Variants in ITGB4 observed in about 807,000 individuals in gnomAD.
ITGB4 encodes the protein integrin beta-4.
ITGB4 carries 159 observed loss-of-function variants against 207.6 expected under a neutral mutation model. The ratio of observed to expected loss-of-function variants is 0.77; its 90% CI spans 0.67 to 0.87. The LOEUF (loss-of-function observed/expected upper bound fraction) is 0.87. Ranked by LOEUF, ITGB4 falls within the 40% of genes least tolerant of loss-of-function variation. The pLI is 0.00. For missense variants in ITGB4, 2,278 were observed against 2,546.8 expected, an observed-to-expected ratio of 0.89 and a Z score of 2.27; for synonymous variants, 1,020 against 1,062.7, an observed-to-expected ratio of 0.96 and a Z score of 0.78.
intron 26 of ITGB4, among the ~76,000 whole-genome samples, chr17:75,748,618 C>T (rs1346235354): frequency 3.4e-5 from 5 of 148,636 alleles, no homozygotes; most frequent in South Asian, 2.1e-4. Flanking sequence ...TGCAGTAAGC[C>T]GAGATCATGC....
At chr17:75,737,067 T>A (rs1265212454) in intron 16 of ITGB4, among the ~76,000 whole-genome samples, 1 of 152,120 alleles carries the variant, frequency 6.6e-6, no homozygotes, top group African/African-American at 2.4e-5. Flanking sequence ...GGACCCTGAG[T>A]TCCTGGGTGA....
rs202223796 is a variant in ITGB4, at chr17:75,736,403, C to T, written c.1860+17C>T. 900 of 1,613,022 alleles carry T rather than the reference C, an allele frequency of 5.6e-4. 1 individual carries two copies. The highest frequency in any genetic ancestry group is 6.7e-4 in the Non-Finnish European group (787 of 1,179,038). ...TACTCGGCGGTGAGGCTAAGACCTA[C>T]GAGGTGTGGGCGTGGGAACAGGGCA... On this transcript the variant is annotated intron_variant, in intron 15 of 39. Coordinates refer to ENST00000200181, the MANE Select transcript of ITGB4 (RefSeq NM_000213.5).
At chr17:75,755,903 C>G (rs539082236) in intron 35 of ITGB4, 53 bp downstream of exon 35, 1 of 1,576,282 alleles carries the variant, frequency 6.3e-7, no homozygotes, top group South Asian at 1.1e-5. Context: ...AGGCCTGGCC[C>G]CAGTGTGACA....
At position 75,731,714 on chromosome 17, in the gene ITGB4, C is replaced by T. The variant is rs2060862466; in HGVS notation, c.1216-98C>T. ...CAGGAGCTCATTTCAGGGATCCAGACATCTCCTAGGAACTTGGGGGCCGAG... is the reference window on the plus strand; with the variant it reads ...CAGGAGCTCATTTCAGGGATCCAGATATCTCCTAGGAACTTGGGGGCCGAG... On this transcript the variant is annotated intron_variant, in intron 10 of 39. Coordinates refer to ENST00000200181, the MANE Select transcript of ITGB4 (RefSeq NM_000213.5). The surrounding 1 kb of genome is among the most constrained non-coding windows in gnomAD (Gnocchi z 6.8). 15 of 1,318,690 alleles carry T rather than the reference C, an allele frequency of 1.1e-5. No homozygotes were observed. In the South Asian group the frequency reaches 2.2e-4, roughly 20 times the overall value. 81.7% of individuals were successfully genotyped at this position (1,318,690 alleles called of 1,614,324 possible). A position where few individuals can be genotyped will look rare whatever the true frequency, so the allele number is the denominator to read the frequency against.
In ITGB4 at chr17:75,750,172, C is replaced by T. The variant is rs2061335014; in HGVS notation, c.3378C>T (p.Asp1126=). ...CATCACAGCCACCCCCTCACGGCGA[C>T]CTGGGCGCCCCGCAGAACCCCAATG... is the stretch of plus-strand genomic sequence containing the variant. The part of the protein sequence containing the change: ...MLSSQPPPHG[D]LGAPQNPNAK... Residue 1126 remains aspartate (D), a synonymous_variant, in exon 28 of 40, where the codon GAC becomes GAT. Coordinates refer to ENST00000200181, the MANE Select transcript of ITGB4 (RefSeq NM_000213.5). The surrounding 1 kb of genome is among the most constrained non-coding windows in gnomAD (Gnocchi z 5.5). 1 of 1,613,880 alleles carries T rather than the reference C, an allele frequency of 6.2e-7. No homozygotes were observed. The highest frequency in any genetic ancestry group is 2.2e-5 in the East Asian group (1 of 44,886).
At chr17:75,744,064 C>T (rs979086984) in intron 26 of ITGB4, among the ~76,000 whole-genome samples, 4 of 151,628 alleles carry the variant, frequency 2.6e-5, no homozygotes, top group Non-Finnish European at 4.4e-5. Context: ...GCCAGTGACA[C>T]GCTGGATGAG....
intron 2 of ITGB4, among the ~76,000 whole-genome samples, chr17:75,725,851 C>G (rs1599211423): frequency 6.6e-6 from 1 of 152,344 alleles, no homozygotes; most frequent in East Asian, 1.9e-4. Flanking sequence ...AGAAGGGGCT[C>G]AGAGGACAGA....
At position 75,727,694 on chromosome 17, in the gene ITGB4, C is replaced by T. The variant is rs1289737282; in HGVS notation, c.308C>T (p.Pro103Leu). The T allele has an allele frequency of 9.9e-6, 16 of 1,612,114 alleles. No individual in the cohort carries two copies. The highest frequency in any genetic ancestry group is 1.4e-5 in the Non-Finnish European group (16 of 1,179,536). Residue 103 changes from proline (P) to leucine (L), a missense_variant, in exon 5 of 40, where the codon CCC (proline) becomes CTC (leucine). Transcript: ENST00000200181. The surrounding 1 kb of genome is among the most constrained non-coding windows in gnomAD (Gnocchi z 6.0). ...DTTLRRSQMS[P>L]QGLRVRLRPG... ...ACCCTGCGGCGCAGCCAGATGTCCC[C>T]CCAAGGCCTGCGGGTCCGTCTGCGG...
At position 75,733,086 on chromosome 17, in the gene ITGB4, GAAAA is replaced by G. The variant is rs985304588; in HGVS notation, c.1455-399_1455-396del. Among the ~76,000 whole-genome samples, 9 of 138,748 alleles carry G rather than the reference GAAAA, an allele frequency of 6.5e-5. No homozygotes were observed. In the East Asian group the frequency reaches 1.3e-3, roughly 20 times the overall value. 91.0% of individuals were successfully genotyped at this position (138,748 alleles called of 152,430 possible). A position where few individuals can be genotyped will look rare whatever the true frequency, so the allele number is the denominator to read the frequency against. ...GGCAAGAAGAGCGAAACTCTGTCTT[GAAAA>G]AAAATAAAATAAAATAGGCCAGGCG... On this transcript the variant is annotated intron_variant, in intron 12 of 39. Coordinates refer to ENST00000200181, the MANE Select transcript of ITGB4 (RefSeq NM_000213.5).
chr17:75,724,787 G>A lies in ITGB4; in HGVS notation c.79+5G>A, dbSNP rs2060685436. ...TCAGCCTCTCTGGGACCTTGGGTGA[G>A]TCCACGTTGCCCTGCAGCCCCCTCC... is the stretch of plus-strand genomic sequence containing the variant. On this transcript the variant is annotated splice_donor_5th_base_variant and intron_variant, in intron 2 of 39. Transcript: ENST00000200181. 2 of 1,612,672 alleles carry A rather than the reference G, an allele frequency of 1.2e-6. No individual in the cohort carries two copies. Among genetic ancestry groups the A allele is most frequent in the Non-Finnish European group, 1.7e-6 (2 of 1,179,244 alleles).
rs750717783 is a variant in ITGB4 at position 75,743,759 on chromosome 17, C to T, written c.3009C>T (p.Arg1003=). Residue 1003 remains arginine (R), a synonymous_variant, in exon 26 of 40, where the codon CGC becomes CGT. Coordinates refer to ENST00000200181, the MANE Select transcript of ITGB4 (RefSeq NM_000213.5). The stretch of plus-strand genomic sequence containing the variant: ...AGCAGCCTGAGTTCTCGGTCAGCCG[C>T]GGGGACCAGGTGGCCCGCATCCCTG... ...SFEQPEFSVS[R]GDQVARIPVI... 4.5e-5 allele frequency: 72 copies of T among 1,613,392 alleles called. No individual in the cohort carries two copies. Among genetic ancestry groups the T allele is most frequent in the Non-Finnish European group, 6.1e-5 (72 of 1,180,016 alleles).
In ITGB4 at chr17:75,741,903, C is replaced by T. The variant is rs1237019360; in HGVS notation, c.2634-438C>T. ...TCCGTGTGTGGTCATCTTATCCAAC[C>T]CTCTCGTCAAGCCTGTGAGGTAGAG... is the stretch of plus-strand genomic sequence containing the variant. On this transcript the variant is annotated intron_variant, in intron 23 of 39. Coordinates refer to ENST00000200181, the MANE Select transcript of ITGB4 (RefSeq NM_000213.5). Among the ~76,000 whole-genome samples the T allele has an allele frequency of 2.0e-5, 3 of 152,158 alleles. No individual in the cohort carries two copies. The East Asian group carries it at 5.8e-4, about 29-fold the overall frequency.
intron 1 of ITGB4, among the ~76,000 whole-genome samples, chr17:75,724,351 G>C (rs1415824256): frequency 2.0e-5 from 3 of 152,256 alleles, no homozygotes; most frequent in African/African-American, 7.2e-5. Context: ...GCCTGACCCA[G>C]GCTCACTGGG....
Position 75,721,563 on chromosome 17 carries a change from G to C in ITGB4, c.-60G>C, listed in dbSNP as rs918127686. 1 of 152,028 alleles carries C rather than the reference G, an allele frequency of 6.6e-6. No homozygotes were observed. The highest frequency in any genetic ancestry group is 1.5e-5 in the Non-Finnish European group (1 of 68,086). The allele number at this position is 152,028 out of a possible 1,614,324, so 9.4% of individuals were successfully genotyped here. A position where few individuals can be genotyped will look rare whatever the true frequency, so the allele number is the denominator to read the frequency against. On this transcript the variant is annotated 5_prime_UTR_variant, in exon 1 of 40. Transcript: ENST00000200181. ...CGCGGAGGGAGCGAGTCCGCCCCGA[G>C]GTAGGTCCAGGACGGGCGCACAGCA...
intron 15 of ITGB4, 70 bp downstream of exon 15, chr17:75,736,456 C>T: frequency 1.2e-6 from 2 of 1,609,322 alleles, no homozygotes; most frequent in Non-Finnish European, 1.7e-6. Context: ...GCAGGAGGGG[C>T]TAAGCCTGAT....
At chr17:75,737,758 T>C in intron 18 of ITGB4, 114 bp downstream of exon 18, 1 of 879,096 alleles carries the variant, frequency 1.1e-6, no homozygotes, top group Non-Finnish European at 1.8e-6. Flanking sequence ...CTCCCCAGGG[T>C]CCCCAACCCC....
At chr17:75,747,803 C>A (rs2061265672) in intron 26 of ITGB4, among the ~76,000 whole-genome samples, 1 of 152,200 alleles carries the variant, frequency 6.6e-6, no homozygotes, top group South Asian at 2.1e-4. Context: ...GCACCGGCCA[C>A]CATGCCGGGC....
At position 75,757,573 on chromosome 17, in the gene ITGB4, C is replaced by T; in HGVS notation, c.*18C>T. 1 of 1,613,220 alleles carries T rather than the reference C, an allele frequency of 6.2e-7. No individual in the cohort carries two copies. Among genetic ancestry groups the T allele is most frequent in the Non-Finnish European group, 8.5e-7 (1 of 1,179,878 alleles). Reference sequence around the variant, plus strand: ...AAACTTGACCGCACCCTGCCCCACCCCCGCCACGTCCCACTAGGCGTCCTC... The same window carrying T: ...AAACTTGACCGCACCCTGCCCCACCTCCGCCACGTCCCACTAGGCGTCCTC... On this transcript the variant is annotated 3_prime_UTR_variant, in exon 40 of 40. Transcript: ENST00000200181.
In ITGB4 at chr17:75,727,668, C is replaced by T. The variant is rs146609350; in HGVS notation, c.282C>T (p.Thr94=). The T allele has an allele frequency of 2.6e-4, 424 of 1,607,750 alleles. 1 individual carries two copies. The African/African-American group carries it at 4.5e-3, about 17-fold the overall frequency. ...FQITEETQID[T]TLRRSQMSPQ... The stretch of plus-strand genomic sequence containing the variant: ...GGCTGCAGGAGACCCAGATTGACAC[C>T]ACCCTGCGGCGCAGCCAGATGTCCC... The change falls in exon 5 of 40, where the codon ACC becomes ACT. Residue 94 remains threonine, a synonymous_variant. Coordinates refer to ENST00000200181, the MANE Select transcript of ITGB4 (RefSeq NM_000213.5). This position sits in a 1 kb window ranked among gnomAD's most constrained non-coding sequence, Gnocchi z 6.0.
Sources: allele counts gnomAD v4.1 joint callset (sites outside exome capture counted in the v4.1 genomes callset), GRCh38; gene constraint gnomAD v4.1.1; non-coding constraint Gnocchi (gnomAD v3.1); transcripts MANE v1.5; gene names NCBI Gene and HGNC (gene_info 2026-07-23, HGNC 2026-07-21).